The following SLC25A37 variants were observed in gnomAD, a reference collection of about 807,000 sequenced individuals.
SLC25A37 encodes mitoferrin-1.
In SLC25A37, 17 loss-of-function variants were observed where a neutral mutation model predicts 31.0. The observed-to-expected ratio is 0.55, with a 90% CI of 0.38 to 0.82. The LOEUF is 0.82. Among genes scored for constraint, SLC25A37 ranks in the 40% least tolerant of loss-of-function variants. The probability of loss-of-function intolerance (pLI) is 0.00; values close to 1 mark genes in which losing one functional copy is unlikely to be tolerated. For missense variants in SLC25A37, 404 were observed against 465.8 expected (o/e 0.87, Z 1.22); for synonymous variants, 222 against 193.0 (o/e 1.15, Z -1.24).
rs139015518 is a variant in SLC25A37 at position 23,536,660 on chromosome 8, G to A, written c.210+7448G>A. ...TTGCCTCGGAGCCTCCTCAGACTCA[G>A]TGTGGCCAGAATGGTGGTCCTGGCT... is the stretch of plus-strand genomic sequence containing the variant. On this transcript the variant is annotated intron_variant, in intron 1 of 3. Coordinates refer to ENST00000519973, the MANE Select transcript of SLC25A37 (RefSeq NM_016612.4). 4.4e-3 allele frequency among the ~76,000 whole-genome samples: 669 copies of A among 152,304 alleles called. 2 individuals carry two copies. Among genetic ancestry groups the A allele is most frequent in the Non-Finnish European group, 5.9e-3 (404 of 68,024 alleles).
At chr8:23,546,820 A>AT (rs1011788382) in intron 1 of SLC25A37, among the ~76,000 whole-genome samples, 6 of 150,916 alleles carry the variant, frequency 4.0e-5, no homozygotes, top group African/African-American at 7.3e-5. Flanking sequence ...TTGTTTTTAA[A>AT]TTTTTTTTTC....
chr8:23,548,181 C>CT, intron 1 of SLC25A37, among the ~76,000 whole-genome samples: 1 of 152,220 alleles, frequency 6.6e-6, no homozygotes, highest in Admixed American at 6.5e-5. Flanking sequence ...TTCTCTCTTT[C>CT]TTTCTTTCTT....
In SLC25A37 at chr8:23,571,497, A is replaced by T; in HGVS notation, c.659A>T (p.Glu220Val). 6 of 1,613,964 alleles carry T rather than the reference A, an allele frequency of 3.7e-6. No individual in the cohort carries two copies. The highest frequency in any genetic ancestry group is 5.1e-6 in the Non-Finnish European group (6 of 1,179,876). Residue 220 changes from glutamate (E) to valine (V), a missense_variant, in exon 4 of 4, where the codon GAG (glutamate) becomes GTG (valine). Physicochemically the swap from Glu to Val is moderately radical, Grantham distance 121. Coordinates refer to ENST00000519973, the MANE Select transcript of SLC25A37 (RefSeq NM_016612.4). ...PFQSIHFITY[E>V]FLQEQVNPHR... Reference sequence around the variant, plus strand: ...CAGTCCATCCACTTCATCACCTATGAGTTCCTGCAGGAGCAGGTCAACCCC... The same window carrying T: ...CAGTCCATCCACTTCATCACCTATGTGTTCCTGCAGGAGCAGGTCAACCCC...
chr8:23,546,127 C>G (rs1010054847), intron 1 of SLC25A37, among the ~76,000 whole-genome samples: 1 of 145,054 alleles, frequency 6.9e-6, no homozygotes, highest in African/African-American at 2.6e-5. Context: ...AAGAGCAAGA[C>G]TCTGTCTCAA....
chr8:23,565,866 C>T (rs910945834), intron 1 of SLC25A37, among the ~76,000 whole-genome samples: 28 of 152,250 alleles, frequency 1.8e-4, no homozygotes, highest in Non-Finnish European at 3.7e-4. Context: ...TCTTACTCTT[C>T]CACAGCCTTC....
chr8:23,561,282 T>C (rs1184951760), intron 1 of SLC25A37, among the ~76,000 whole-genome samples: 2 of 152,182 alleles, frequency 1.3e-5, no homozygotes, highest in Non-Finnish European at 1.5e-5. Flanking sequence ...TTCAGTAGTG[T>C]TTCCTCCAAC....
intron 1 of SLC25A37, among the ~76,000 whole-genome samples, chr8:23,546,576 ATATATAGTG>A (rs1802064909): frequency 7.0e-5 from 4 of 56,974 alleles, no homozygotes; most frequent in African/African-American, 1.1e-4. Context: ...ATATATATAT[ATATATAGTG>A]TATATATATA....
At position 23,571,701 on chromosome 8, in the gene SLC25A37, C is replaced by A. The variant is rs764970288; in HGVS notation, c.863C>A (p.Thr288Lys). The A allele has an allele frequency of 1.2e-6, 2 of 1,614,038 alleles. No homozygotes were observed. Among genetic ancestry groups the A allele is most frequent in the Admixed American group, 3.3e-5 (2 of 60,030 alleles). Residue 288 changes from threonine (T) to lysine (K), a missense_variant, in exon 4 of 4, where the codon ACG becomes AAG. Coordinates refer to ENST00000519973, the MANE Select transcript of SLC25A37 (RefSeq NM_016612.4). ...RLSGMANAFR[T>K]VYQLNGLAGY... ...TCGGGTATGGCCAATGCCTTCCGGACGGTGTACCAGCTCAACGGCCTGGCC... is the reference window on the plus strand; with the variant it reads ...TCGGGTATGGCCAATGCCTTCCGGAAGGTGTACCAGCTCAACGGCCTGGCC...
At chr8:23,534,036 C>T (rs1382793315) in intron 1 of SLC25A37, among the ~76,000 whole-genome samples, 1 of 152,116 alleles carries the variant, frequency 6.6e-6, no homozygotes, top group Non-Finnish European at 1.5e-5. Flanking sequence ...CAGCCTTGAC[C>T]TCCCAGGGCT....
At chr8:23,549,159 C>T (rs1244540004) in intron 1 of SLC25A37, among the ~76,000 whole-genome samples, 1 of 152,254 alleles carries the variant, frequency 6.6e-6, no homozygotes, top group Non-Finnish European at 1.5e-5. Context: ...CCTGCTCCCT[C>T]AGTTCCAGCA....
At chr8:23,554,934 G>A (rs1802323732) in intron 1 of SLC25A37, among the ~76,000 whole-genome samples, 1 of 152,132 alleles carries the variant, frequency 6.6e-6, no homozygotes, top group Non-Finnish European at 1.5e-5. Flanking sequence ...TGTTGGGTGC[G>A]ATTCATAGCC....
chr8:23,539,733 G>A (rs1230681629), intron 1 of SLC25A37, among the ~76,000 whole-genome samples: 1 of 152,222 alleles, frequency 6.6e-6, no homozygotes, highest in East Asian at 1.9e-4. Flanking sequence ...ATTTGTGAAT[G>A]GCTCTTGCAA....
At position 23,571,892 on chromosome 8, in the gene SLC25A37, T is replaced by C. The variant is rs779178447; in HGVS notation, c.*37T>C. ...ATAGAATCTTTTCTTAAAGTCATTC[T>C]CTGCCTGCATCCAGCCCCTTGCCCT... is the stretch of plus-strand genomic sequence containing the variant. On this transcript the variant is annotated 3_prime_UTR_variant, in exon 4 of 4. Transcript: ENST00000519973. 1.1e-5 allele frequency: 18 copies of C among 1,593,474 alleles called. No homozygotes were observed. In the Admixed American group the frequency reaches 2.2e-4, roughly 20 times the overall value.
At chr8:23,558,841 T>A (rs1802435471) in intron 1 of SLC25A37, among the ~76,000 whole-genome samples, 1 of 152,112 alleles carries the variant, frequency 6.6e-6, no homozygotes, top group Non-Finnish European at 1.5e-5. Context: ...GAGGAATGCT[T>A]ATTCATAGGC....
intron 2 of SLC25A37, chr8:23,567,811 C>T (rs1281115893): frequency 6.6e-6 from 1 of 152,152 alleles, no homozygotes; most frequent in African/African-American, 2.6e-5. Flanking sequence ...TCCTGATTTC[C>T]TCTTCTCTTG....
At position 23,571,467 on chromosome 8, in the gene SLC25A37, C is replaced by T; in HGVS notation, c.629C>T (p.Pro210Leu). 2 of 1,614,038 alleles carry T rather than the reference C, an allele frequency of 1.2e-6. No individual in the cohort carries two copies. Among genetic ancestry groups the T allele is most frequent in the Non-Finnish European group, 8.5e-7 (1 of 1,179,902 alleles). Reference sequence around the variant, plus strand: ...ACCACGCAGCTGACCATGAACATCCCCTTCCAGTCCATCCACTTCATCACC... The same window carrying T: ...ACCACGCAGCTGACCATGAACATCCTCTTCCAGTCCATCCACTTCATCACC... ...SYTTQLTMNI[P>L]FQSIHFITYE... The change falls in exon 4 of 4, where the codon CCC (proline) becomes CTC (leucine). Residue 210 changes from proline (P) to leucine (L), a missense_variant. Pro to Leu is a moderately conservative substitution (Grantham distance 98). Around this residue, in one of 3 missense-constraint regions of SLC25A37, gnomAD observed 243 missense variants for 284.4 expected, o/e 0.85. Transcript: ENST00000519973.
intron 1 of SLC25A37, among the ~76,000 whole-genome samples, chr8:23,531,412 T>A (rs1399584866): frequency 2.0e-5 from 3 of 152,246 alleles, no homozygotes; most frequent in African/African-American, 7.2e-5. Context: ...GTTCTGTGCC[T>A]TAGTTTTGTC....
chr8:23,573,638 A>C lies in SLC25A37; in HGVS notation c.*1783A>C, dbSNP rs1238456945. 1 of 375,614 alleles carries C rather than the reference A, an allele frequency of 2.7e-6. No individual in the cohort carries two copies. The highest frequency in any genetic ancestry group is 2.1e-5 in the African/African-American group (1 of 47,840). The allele number at this position is 375,614 out of a possible 1,614,324, so 23.3% of individuals were successfully genotyped here. ...CCATGCACACAGTGCCTTGGGGAGT[A>C]GATTTTGCCCTAATAGCGATGAAGA... On this transcript the variant is annotated 3_prime_UTR_variant, in exon 4 of 4. Transcript: ENST00000519973.
chr8:23,536,058 C>T (rs1801761237), intron 1 of SLC25A37, among the ~76,000 whole-genome samples: 2 of 152,224 alleles, frequency 1.3e-5, no homozygotes, highest in South Asian at 2.1e-4. Flanking sequence ...TGCCACAGTG[C>T]GTGGTGCGTA....
Sources: gnomAD v4.1 joint callset for allele counts (sites outside exome capture counted in the v4.1 genomes callset) on GRCh38, gnomAD v4.1.1 for gene constraint, gnomAD v4.1.1 regional missense constraint, MANE v1.5 for transcripts, NCBI Gene and HGNC (gene_info 2026-07-23, HGNC 2026-07-21) for gene names.